The following KATNAL1 variants were observed in gnomAD, a reference collection of about 807,000 sequenced individuals.
KATNAL1 encodes the protein katanin p60 ATPase-containing subunit A-like 1.
KATNAL1 carries 32 observed loss-of-function variants against 55.2 expected under a neutral mutation model. That is an observed-to-expected ratio of 0.58 (90% CI 0.44 to 0.78). The LOEUF is 0.78. KATNAL1 is among the 30% of genes least tolerant of loss of function. KATNAL1 has a pLI of 0.00. For missense variants in KATNAL1, 466 were observed against 600.9 expected (o/e 0.78, Z 2.35); for synonymous variants, 193 against 193.6 (o/e 1.00, Z 0.02).
intron 1 of KATNAL1, among the ~76,000 whole-genome samples, chr13:30,293,395 C>T (rs981008843): frequency 6.6e-6 from 1 of 152,034 alleles, no homozygotes; most frequent in Non-Finnish European, 1.5e-5. Flanking sequence ...TGTGTACACC[C>T]CGGCAACACC....
At position 30,250,920 on chromosome 13, in the gene KATNAL1, C is replaced by T. The variant is rs935537834; in HGVS notation, c.492+4527G>A. On this transcript the variant is annotated intron_variant, in intron 4 of 10. Coordinates refer to ENST00000380615, the MANE Select transcript of KATNAL1 (RefSeq NM_032116.5). The stretch of plus-strand genomic sequence containing the variant: ...TCGGGAGGCCGAGGCGGGCGGATCA[C>T]GAGGTCAGGAGATCGAGACCATCCT... Among the ~76,000 whole-genome samples, 17 of 152,034 alleles carry T rather than the reference C, an allele frequency of 1.1e-4. 1 individual carries two copies. Among genetic ancestry groups the T allele is most frequent in the Non-Finnish European group, 2.1e-4 (14 of 67,988 alleles).
chr13:30,307,048 G>T (rs570837798), intron 1 of KATNAL1: 2 of 151,770 alleles, frequency 1.3e-5, no homozygotes, highest in African/African-American at 4.8e-5. Context: ...AAAGTTTATC[G>T]GTCTTTCCCG....
At chr13:30,293,137 A>AT (rs573021645) in intron 1 of KATNAL1, among the ~76,000 whole-genome samples, 95 of 151,294 alleles carry the variant, frequency 6.3e-4, no homozygotes, top group African/African-American at 2.2e-3. Flanking sequence ...ATTTCTTTCC[A>AT]TTTTTTTTCT....
chr13:30,217,935 G>GA (rs958156431), intron 9 of KATNAL1, among the ~76,000 whole-genome samples: 16 of 152,210 alleles, frequency 1.1e-4, no homozygotes, highest in African/African-American at 3.6e-4. Flanking sequence ...CAACCCAGAT[G>GA]AAACACCTGG....
intron 6 of KATNAL1, among the ~76,000 whole-genome samples, chr13:30,236,982 C>T (rs1876750101): frequency 6.6e-6 from 1 of 152,152 alleles, no homozygotes; most frequent in South Asian, 2.1e-4. Context: ...GGAGGCCATC[C>T]CTGATATTAT....
chr13:30,269,135 G>A (rs540362764), intron 3 of KATNAL1, among the ~76,000 whole-genome samples: 245 of 152,108 alleles, frequency 1.6e-3, no homozygotes, highest in South Asian at 9.3e-3. Flanking sequence ...ATGCCGAGCC[G>A]AAGCTGGACT....
intron 1 of KATNAL1, among the ~76,000 whole-genome samples, chr13:30,287,782 T>C (rs1484821207): frequency 2.0e-5 from 3 of 152,210 alleles, no homozygotes; most frequent in Non-Finnish European, 4.4e-5. Context: ...AAATCCTACT[T>C]ACAAATACAG....
chr13:30,284,886 A>G (rs76222501), intron 1 of KATNAL1, among the ~76,000 whole-genome samples: 3,054 of 152,328 alleles, frequency 0.02, 102 homozygotes, highest in African/African-American at 0.069. Flanking sequence ...CCCAAGACTA[A>G]AAAGAATAGC....
intron 1 of KATNAL1, among the ~76,000 whole-genome samples, chr13:30,291,336 T>C (rs1882119206): frequency 6.6e-6 from 1 of 152,192 alleles, no homozygotes; most frequent in South Asian, 2.1e-4. Context: ...CAAAAAATAT[T>C]AAATATTCAG....
chr13:30,299,500 A>T (rs1882731357), intron 1 of KATNAL1, among the ~76,000 whole-genome samples: 2 of 152,200 alleles, frequency 1.3e-5, no homozygotes, highest in African/African-American at 2.4e-5. Flanking sequence ...TTCAATTTTC[A>T]TTATAAATTT....
At chr13:30,219,662 A>G (rs1175808738) in intron 9 of KATNAL1, among the ~76,000 whole-genome samples, 1 of 152,248 alleles carries the variant, frequency 6.6e-6, no homozygotes, top group Non-Finnish European at 1.5e-5. Context: ...AAAAGAATGG[A>G]GTTCTAATTA....
At chr13:30,239,622 C>T (rs938456659) in intron 6 of KATNAL1, among the ~76,000 whole-genome samples, 6 of 150,346 alleles carry the variant, frequency 4.0e-5, no homozygotes, top group African/African-American at 1.2e-4. Flanking sequence ...ATAAATACTA[C>T]AAAAGCACAG....
rs867209332 is a variant in KATNAL1, at chr13:30,208,449, A to G, written c.*91T>C. On this transcript the variant is annotated 3_prime_UTR_variant, in exon 11 of 11. Transcript: ENST00000380615. ...CCTTTAAGCGAAAACCACTCCACTG[A>G]AAAAAATTCCAAACTTGTTTTTTAA... 8.5e-6 allele frequency: 10 copies of G among 1,181,116 alleles called. No individual in the cohort carries two copies. In the South Asian group the frequency reaches 1.6e-4, roughly 19 times the overall value. 73.2% of individuals were successfully genotyped at this position (1,181,116 alleles called of 1,614,324 possible). A position where few individuals can be genotyped will look rare whatever the true frequency, so the allele number is the denominator to read the frequency against.
At chr13:30,278,118 C>T (rs915730490) in intron 3 of KATNAL1, among the ~76,000 whole-genome samples, 4 of 150,712 alleles carry the variant, frequency 2.7e-5, no homozygotes, top group Non-Finnish European at 5.9e-5. Context: ...TAATCCCATG[C>T]TATTACTCAA....
intron 1 of KATNAL1, among the ~76,000 whole-genome samples, chr13:30,285,061 C>T (rs929849255): frequency 6.6e-6 from 1 of 152,220 alleles, no homozygotes; most frequent in Non-Finnish European, 1.5e-5. Flanking sequence ...GACTCTTCTA[C>T]TCTGACTCTC....
chr13:30,249,140 G>A (rs1018031285), intron 4 of KATNAL1, among the ~76,000 whole-genome samples: 6 of 152,226 alleles, frequency 3.9e-5, no homozygotes, highest in Middle Eastern at 3.4e-3. Context: ...GCTGAGGCAG[G>A]AGAATTGCTT....
intron 8 of KATNAL1, among the ~76,000 whole-genome samples, chr13:30,229,243 GCTAT>G (rs1220118746): frequency 4.0e-5 from 6 of 151,070 alleles, no homozygotes; most frequent in African/African-American, 1.5e-4. Context: ...GTCCAACTTG[GCTAT>G]CTCTTTCCAT....
chr13:30,218,055 T>C (rs28647589), intron 9 of KATNAL1, among the ~76,000 whole-genome samples: 1 of 151,724 alleles, frequency 6.6e-6, no homozygotes, highest in African/African-American at 2.4e-5. Context: ...ACCTGGGAAA[T>C]GGGAGTACCA....
At chr13:30,268,402 T>C (rs1879949274) in intron 3 of KATNAL1, among the ~76,000 whole-genome samples, 1 of 152,202 alleles carries the variant, frequency 6.6e-6, no homozygotes, top group African/African-American at 2.4e-5. Flanking sequence ...ATCAGAAGCA[T>C]TTAAAAATTT....
Sources: allele counts gnomAD v4.1 joint callset (sites outside exome capture counted in the v4.1 genomes callset), GRCh38; gene constraint gnomAD v4.1.1; transcripts MANE v1.5; gene names NCBI Gene and HGNC (gene_info 2026-07-23, HGNC 2026-07-21).